CCDC7: variants seen among roughly 807,000 people sequenced by gnomAD.
The protein encoded by CCDC7 is coiled-coil domain-containing protein 7.
A neutral mutation model predicts 196.9 loss-of-function variants in CCDC7; 183 were observed. The ratio of observed to expected loss-of-function variants is 0.93; its 90% CI spans 0.82 to 1.05. The LOEUF is 1.05. CCDC7 is among the 50% of genes least tolerant of loss of function. The probability of loss-of-function intolerance (pLI) is 0.00; values close to 1 mark genes in which losing one functional copy is unlikely to be tolerated. For missense variants in CCDC7, 1,540 were observed against 1,482.2 expected, an observed-to-expected ratio of 1.04 and a Z score of -0.64; for synonymous variants, 525 against 484.6, an observed-to-expected ratio of 1.08 and a Z score of -1.10.
At chr10:32,698,022 T>G (rs2141412747) in intron 24 of CCDC7, among the ~76,000 whole-genome samples, 1 of 152,290 alleles carries the variant, frequency 6.6e-6, no homozygotes, top group African/African-American at 2.4e-5. Context: ...AATATTATAT[T>G]TGCTGTTCTG....
intron 32 of CCDC7, among the ~76,000 whole-genome samples, chr10:32,828,391 AAAG>A (rs1381517773): frequency 1.5e-5 from 2 of 133,192 alleles, no homozygotes; most frequent in African/African-American, 6.1e-5. Context: ...ATAGTTTAAA[AAAG>A]AAGAAGAAGG....
intron 11 of CCDC7, among the ~76,000 whole-genome samples, chr10:32,525,572 G>A (rs1158337114): frequency 6.6e-6 from 1 of 152,168 alleles, no homozygotes; most frequent in Non-Finnish European, 1.5e-5. Flanking sequence ...TTCATTTGGT[G>A]AGGTTATGTT....
intron 18 of CCDC7, among the ~76,000 whole-genome samples, chr10:32,622,200 T>C (rs2063492894): frequency 6.6e-6 from 1 of 152,204 alleles, no homozygotes; most frequent in Admixed American, 6.5e-5. Flanking sequence ...CTTACAGCTT[T>C]AGATAAAAGG....
At chr10:32,765,002 T>A (rs919488321) in intron 28 of CCDC7, among the ~76,000 whole-genome samples, 2 of 149,114 alleles carry the variant, frequency 1.3e-5, no homozygotes, top group African/African-American at 4.9e-5. Flanking sequence ...GTCTACTAAA[T>A]TCTTACTTAA....
At chr10:32,639,860 G>A (rs1287201172) in intron 20 of CCDC7, among the ~76,000 whole-genome samples, 3 of 151,962 alleles carry the variant, frequency 2.0e-5, no homozygotes, top group South Asian at 2.1e-4. Flanking sequence ...CTCGTGATCC[G>A]CCTGCCTCGG....
At chr10:32,781,231 A>G (rs2081014703) in intron 29 of CCDC7, among the ~76,000 whole-genome samples, 1 of 152,184 alleles carries the variant, frequency 6.6e-6, no homozygotes, top group Non-Finnish European at 1.5e-5. Context: ...CCAAATATTT[A>G]AAGAAGAATT....
At chr10:32,671,412 T>C (rs1272241097) in intron 21 of CCDC7, among the ~76,000 whole-genome samples, 2 of 152,162 alleles carry the variant, frequency 1.3e-5, no homozygotes, top group Non-Finnish European at 2.9e-5. Flanking sequence ...TCATATAACT[T>C]AGGTGTGTAG....
chr10:32,568,536 A>G (rs2057175621), intron 15 of CCDC7, among the ~76,000 whole-genome samples: 3 of 152,200 alleles, frequency 2.0e-5, no homozygotes, highest in Admixed American at 2.0e-4. Context: ...AGGGCAATAA[A>G]AATTATTAAA....
At chr10:32,606,489 C>T (rs907563630) in intron 18 of CCDC7, among the ~76,000 whole-genome samples, 2 of 152,246 alleles carry the variant, frequency 1.3e-5, no homozygotes, top group African/African-American at 4.8e-5. Context: ...TGTAGGCACT[C>T]AACTCCAACC....
chr10:32,444,975 T>G (rs2030629799), upstream of CCDC7, among the ~76,000 whole-genome samples: 1 of 151,848 alleles, frequency 6.6e-6, no homozygotes, highest in African/African-American at 2.4e-5. Flanking sequence ...TGCCTCAGCC[T>G]CCTAAGTAGC....
intron 3 of CCDC7, among the ~76,000 whole-genome samples, chr10:32,459,444 A>G (rs72793602): frequency 0.11 from 16,476 of 152,082 alleles, 1,088 homozygotes; most frequent in South Asian, 0.25. Context: ...GAACCACTCA[A>G]AATGAGGGTT....
downstream of CCDC7, chr10:32,876,432 A>C (rs1309912114): frequency 1.3e-6 from 2 of 1,562,396 alleles, no homozygotes; most frequent in African/African-American, 2.7e-5. Flanking sequence ...CAACATGACA[A>C]ATTCAGAAAT....
At chr10:32,587,507 C>G (rs999646505) in intron 18 of CCDC7, among the ~76,000 whole-genome samples, 7 of 152,140 alleles carry the variant, frequency 4.6e-5, no homozygotes, top group African/African-American at 1.7e-4. Context: ...CCCTCATTAC[C>G]TAATTATGTC....
chr10:32,572,342 A>T (rs573560394), intron 16 of CCDC7, among the ~76,000 whole-genome samples: 1 of 152,262 alleles, frequency 6.6e-6, no homozygotes, highest in South Asian at 2.1e-4. Flanking sequence ...CATCCAATTA[A>T]ATCTTATAGT....
At chr10:32,579,106 A>G (rs1193146302) in intron 16 of CCDC7, among the ~76,000 whole-genome samples, 2 of 152,180 alleles carry the variant, frequency 1.3e-5, no homozygotes, top group African/African-American at 4.8e-5. Flanking sequence ...CCTCAGCTAC[A>G]TATGTGTGTC....
intron 39 of CCDC7, among the ~76,000 whole-genome samples, chr10:32,850,454 T>C (rs2093509211): frequency 6.6e-6 from 1 of 152,166 alleles, no homozygotes; most frequent in Admixed American, 6.5e-5. Context: ...CTCACATTCA[T>C]TTACTTTTGT....
At chr10:32,665,115 G>T (rs995708302) in intron 21 of CCDC7, among the ~76,000 whole-genome samples, 1 of 151,988 alleles carries the variant, frequency 6.6e-6, no homozygotes, top group African/African-American at 2.4e-5. Context: ...GTCTTCATTA[G>T]AGAAATGTCT....
intron 29 of CCDC7, among the ~76,000 whole-genome samples, chr10:32,790,395 C>A (rs998753372): frequency 6.6e-6 from 1 of 152,204 alleles, no homozygotes; most frequent in African/African-American, 2.4e-5. Flanking sequence ...CCACCAAGGC[C>A]GACTGCTTGT....
At chr10:32,505,542 T>C (rs1356594627) in intron 9 of CCDC7, among the ~76,000 whole-genome samples, 2 of 152,214 alleles carry the variant, frequency 1.3e-5, no homozygotes, top group Non-Finnish European at 2.9e-5. Flanking sequence ...GAATTTTTCT[T>C]AGTACAGAAC....
Sources: allele counts gnomAD v4.1 joint callset (sites outside exome capture counted in the v4.1 genomes callset), GRCh38; gene constraint gnomAD v4.1.1; transcripts MANE v1.5; gene names NCBI Gene and HGNC (gene_info 2026-07-23, HGNC 2026-07-21).